The following RPS6KA6 variants were observed in gnomAD, a reference collection of about 807,000 sequenced individuals.
RPS6KA6 encodes the protein ribosomal protein S6 kinase A6.
In RPS6KA6, 27 loss-of-function variants were observed where a neutral mutation model predicts 65.4. The ratio of observed to expected loss-of-function variants is 0.41; its 90% CI spans 0.30 to 0.57. RPS6KA6 has a LOEUF of 0.57. Among genes scored for constraint, RPS6KA6 ranks in the 20% least tolerant of loss-of-function variants. RPS6KA6 has a pLI of 0.24. For synonymous variants in RPS6KA6, 190 were observed against 184.2 expected (o/e 1.03, Z -0.26); for missense variants, 486 against 555.6 (o/e 0.87, Z 1.26).
intron 20 of RPS6KA6, among the ~76,000 whole-genome samples, chrX:84,084,257 T>C (rs1164869650): frequency 1.8e-5 from 2 of 112,509 alleles, no homozygotes; most frequent in African/African-American, 6.5e-5. Context: ...CAACTGCTTT[T>C]GTCATTTTTG....
At chrX:84,149,961 T>G (rs1402456662) in intron 3 of RPS6KA6, among the ~76,000 whole-genome samples, 1 of 112,450 alleles carries the variant, frequency 8.9e-6, no homozygotes, top group African/African-American at 3.2e-5. Context: ...TAAAACCTGT[T>G]GCTTAGTGTA....
intron 1 of RPS6KA6, among the ~76,000 whole-genome samples, chrX:84,170,665 A>T (rs1028777271): frequency 1.3e-4 from 14 of 110,990 alleles, no homozygotes; most frequent in African/African-American, 4.6e-4. Flanking sequence ...AACAAAAAAA[A>T]TCTATGCCTA....
intron 20 of RPS6KA6, among the ~76,000 whole-genome samples, chrX:84,093,738 A>G: frequency 8.9e-6 from 1 of 112,288 alleles, no homozygotes; most frequent in South Asian, 3.7e-4. Context: ...AAAATAGATC[A>G]GTTTTATTCT....
chrX:84,157,179 C>G (rs967554575), intron 2 of RPS6KA6, among the ~76,000 whole-genome samples: 1 of 111,391 alleles, frequency 9.0e-6, no homozygotes, highest in Admixed American at 9.5e-5. Context: ...TTCATAGCAG[C>G]TAAAATAACT....
intron 1 of RPS6KA6, among the ~76,000 whole-genome samples, chrX:84,185,238 C>G (rs944562381): frequency 5.4e-5 from 6 of 111,182 alleles, no homozygotes; most frequent in African/African-American, 2.0e-4. Flanking sequence ...CTCTCACAAT[C>G]AGTTTCTTGC....
chrX:84,126,375 TAGA>T (rs1381311387), intron 8 of RPS6KA6, among the ~76,000 whole-genome samples: 5 of 111,275 alleles, frequency 4.5e-5, no homozygotes, highest in Non-Finnish European at 7.5e-5. Flanking sequence ...AAGAGGGATA[TAGA>T]ACTCAATACA....
intron 7 of RPS6KA6, 136 bp from the exon 8 acceptor site, chrX:84,134,955 A>G (rs1186400877): frequency 1.7e-6 from 1 of 577,827 alleles, no homozygotes; most frequent in Non-Finnish European, 2.7e-6. Context: ...ACTTAAAGTC[A>G]ATGTACGTCT....
intron 20 of RPS6KA6, among the ~76,000 whole-genome samples, chrX:84,070,962 T>C (rs1209181930): frequency 9.0e-6 from 1 of 111,366 alleles, no homozygotes. Context: ...TTTCAGGATA[T>C]CAGATGTTAG....
chrX:84,130,371 T>A (rs1251107401), intron 8 of RPS6KA6, among the ~76,000 whole-genome samples: 1 of 111,772 alleles, frequency 8.9e-6, no homozygotes, highest in Non-Finnish European at 1.9e-5. Flanking sequence ...AAAATGCTAG[T>A]GAGGATACAG....
At chrX:84,114,947 C>T (rs1468218481) in intron 12 of RPS6KA6, among the ~76,000 whole-genome samples, 1 of 111,794 alleles carries the variant, frequency 8.9e-6, no homozygotes, top group Non-Finnish European at 1.9e-5. Context: ...TCACTGTTTA[C>T]AATAATTAAC....
chrX:84,136,320 C>T (rs778902903), intron 6 of RPS6KA6, among the ~76,000 whole-genome samples: 26 of 111,508 alleles, frequency 2.3e-4, no homozygotes, highest in African/African-American at 7.8e-4. Context: ...CCTGCTTGCC[C>T]ATTTAGAATT....
chrX:84,161,335 C>A (rs1456733220), intron 2 of RPS6KA6, among the ~76,000 whole-genome samples: 1 of 111,670 alleles, frequency 9.0e-6, no homozygotes, highest in Non-Finnish European at 1.9e-5. Flanking sequence ...TAGTACTTAT[C>A]TTTGCATACC....
At position 84,106,349 on chromosome X, in the gene RPS6KA6, G is replaced by C. The variant is rs755848568; in HGVS notation, c.1365+16C>G. On this transcript the variant is annotated intron_variant, in intron 15 of 21. Coordinates refer to ENST00000262752, the MANE Select transcript of RPS6KA6 (RefSeq NM_014496.5). ...ATGCATAAAACAAACAAGAAAGCTA[G>C]GCTCAGAGACAATACCTTCACTGCA... 8.4e-7 allele frequency: 1 copy of C among 1,191,351 alleles called. No homozygotes were observed. Among genetic ancestry groups the C allele is most frequent in the African/African-American group, 1.8e-5 (1 of 56,454 alleles).
At chrX:84,111,116 C>A (rs944744753) in intron 12 of RPS6KA6, among the ~76,000 whole-genome samples, 2 of 107,846 alleles carry the variant, frequency 1.9e-5, no homozygotes, top group African/African-American at 6.7e-5. Context: ...AGCATGAGGG[C>A]TGGTCTTTTG....
intron 1 of RPS6KA6, among the ~76,000 whole-genome samples, chrX:84,173,663 T>C (rs779656062): frequency 8.9e-6 from 1 of 112,412 alleles, no homozygotes; most frequent in Non-Finnish European, 1.9e-5. Context: ...TTGTATCATT[T>C]ATTTATTTTT....
At chrX:84,065,134 G>A (rs757071523) in intron 20 of RPS6KA6, 23 bp from the exon 21 acceptor site, 9 of 1,064,139 alleles carry the variant, frequency 8.5e-6, no homozygotes, top group African/African-American at 1.8e-5. Context: ...AAATGTGTGT[G>A]TATATATATA....
Position 84,109,582 on chromosome X carries a change from A to G in RPS6KA6, c.1009-1857T>C, listed in dbSNP as rs891246096. Among the ~76,000 whole-genome samples the G allele has an allele frequency of 2.6e-4, 29 of 110,858 alleles. 1 individual carries two copies. The highest frequency in any genetic ancestry group is 1.9e-3 in the Admixed American group (20 of 10,466). On this transcript the variant is annotated intron_variant, in intron 12 of 21. Transcript: ENST00000262752. Reference sequence around the variant, plus strand: ...CCCCACAGGTCTGCAATATGCATTGATGCACCAACTGCCTGAGCATTCTGC... The same window carrying G: ...CCCCACAGGTCTGCAATATGCATTGGTGCACCAACTGCCTGAGCATTCTGC...
chrX:84,125,561 TA>T (rs2147489373), intron 8 of RPS6KA6, among the ~76,000 whole-genome samples: 1 of 110,990 alleles, frequency 9.0e-6, no homozygotes, highest in East Asian at 2.8e-4. Context: ...ATGCAAAAAA[TA>T]AAGAGAAAAA....
intron 1 of RPS6KA6, among the ~76,000 whole-genome samples, chrX:84,166,841 G>A (rs1602481187): frequency 9.0e-6 from 1 of 111,316 alleles, no homozygotes. Context: ...ATTTACTGTT[G>A]TGATAGTTGT....
Sources: gnomAD v4.1 joint callset for allele counts (sites outside exome capture counted in the v4.1 genomes callset) on GRCh38, gnomAD v4.1.1 for gene constraint, MANE v1.5 for transcripts, NCBI Gene and HGNC (gene_info 2026-07-23, HGNC 2026-07-21) for gene names.